The following GUCY1A2 variants were observed in gnomAD, a reference collection of about 807,000 sequenced individuals.
GUCY1A2 encodes guanylate cyclase soluble subunit alpha-2.
In GUCY1A2, 27 loss-of-function variants were observed where a neutral mutation model predicts 63.5. The ratio of observed to expected loss-of-function variants is 0.43; its 90% CI spans 0.31 to 0.59. GUCY1A2 has a LOEUF of 0.59. Ranked by LOEUF, GUCY1A2 falls within the 20% of genes least tolerant of loss-of-function variation. The pLI, the probability that GUCY1A2 is intolerant of heterozygous loss-of-function variation, is 0.11. For missense variants in GUCY1A2, 768 were observed against 913.3 expected, an observed-to-expected ratio of 0.84 and a Z score of 2.05; for synonymous variants, 364 against 343.5, an observed-to-expected ratio of 1.06 and a Z score of -0.66.
intron 4 of GUCY1A2, among the ~76,000 whole-genome samples, chr11:106,877,294 T>C (rs1332681570): frequency 6.6e-6 from 1 of 152,040 alleles, no homozygotes; most frequent in Non-Finnish European, 1.5e-5. Flanking sequence ...CCCCTCTTCC[T>C]ATTTGGATGC....
intron 1 of GUCY1A2, among the ~76,000 whole-genome samples, chr11:106,986,605 T>G (rs535271503): frequency 6.6e-6 from 1 of 152,218 alleles, no homozygotes; most frequent in Non-Finnish European, 1.5e-5. Context: ...CAAGCAGTGA[T>G]AAATTGAGTT....
chr11:106,971,623 A>C (rs1386754199), intron 3 of GUCY1A2, among the ~76,000 whole-genome samples: 1 of 152,148 alleles, frequency 6.6e-6, no homozygotes, highest in Non-Finnish European at 1.5e-5. Flanking sequence ...AATGGAGTAA[A>C]GTTGGAGACA....
At chr11:106,776,411 A>ACTCAAACT (rs139329770) in intron 6 of GUCY1A2, 28 bp downstream of exon 6, 313,189 of 1,561,094 alleles carry the variant, frequency 0.2, 33,617 homozygotes, top group South Asian at 0.27. Context: ...TGCACTTACT[A>ACTCAAACT]CTCAAACTAG....
intron 5 of GUCY1A2, among the ~76,000 whole-genome samples, chr11:106,777,379 G>A (rs1212510214): frequency 1.3e-5 from 2 of 151,122 alleles, no homozygotes; most frequent in Admixed American, 6.6e-5. Flanking sequence ...CCCAGTAGGC[G>A]GAGGTTGCAG....
intron 4 of GUCY1A2, among the ~76,000 whole-genome samples, chr11:106,883,237 T>G (rs1859850783): frequency 6.6e-6 from 1 of 152,152 alleles, no homozygotes; most frequent in Non-Finnish European, 1.5e-5. Flanking sequence ...ACCTGATGAT[T>G]TGACATTGAT....
In GUCY1A2 at chr11:106,953,300, G is replaced by T. The variant is rs549691515; in HGVS notation, c.488-13122C>A. On this transcript the variant is annotated intron_variant, in intron 3 of 7. Transcript: ENST00000526355. ...GATAATCATGTGCTTTTTGTCTTTG[G>T]TTCTGTTTATCTGACGGATTATGTT... Among the ~76,000 whole-genome samples the T allele has an allele frequency of 2.4e-4, 36 of 152,144 alleles. 2 individuals are homozygous for T. In the South Asian group the frequency reaches 7.5e-3, roughly 32 times the overall value.
chr11:106,935,295 T>C (rs1860660658), intron 4 of GUCY1A2, among the ~76,000 whole-genome samples: 1 of 152,084 alleles, frequency 6.6e-6, no homozygotes, highest in South Asian at 2.1e-4. Context: ...GGAACACAAC[T>C]AATAATAGCA....
chr11:106,990,601 G>C (rs531491292), intron 1 of GUCY1A2, among the ~76,000 whole-genome samples: 137 of 152,376 alleles, frequency 9.0e-4, no homozygotes, highest in African/African-American at 3.1e-3. Flanking sequence ...GTGTGTGTGT[G>C]CGCGCACGCG....
At chr11:106,785,222 TA>T (rs1864535793) in intron 5 of GUCY1A2, among the ~76,000 whole-genome samples, 1 of 152,276 alleles carries the variant, frequency 6.6e-6, no homozygotes, top group South Asian at 2.1e-4. Context: ...TGGATGCACA[TA>T]TTACTTTTAA....
At chr11:106,979,272 G>A (rs1167346816) in intron 2 of GUCY1A2, among the ~76,000 whole-genome samples, 2 of 151,958 alleles carry the variant, frequency 1.3e-5, no homozygotes, top group African/African-American at 4.8e-5. Context: ...TGGCTAACAC[G>A]GTGAAACCCC....
In GUCY1A2 at chr11:107,017,975, C is replaced by T. The variant is rs1349693717; in HGVS notation, c.81G>A (p.Gly27=). The change falls in exon 1 of 8, where the codon GGG becomes GGA. Residue 27 remains glycine, a synonymous_variant. Coordinates refer to ENST00000526355, the MANE Select transcript of GUCY1A2 (RefSeq NM_000855.3). The part of the protein sequence containing the change: ...DYLETSPEEE[G]ECPLSRLCWN... ...AGCAGAGCCTAGACAGGGGGCACTC[C>T]CCCTCCTCCTCCGGGCTGGTCTCCA... is the stretch of plus-strand genomic sequence containing the variant. 2 of 1,450,084 alleles carry T rather than the reference C, an allele frequency of 1.4e-6. No homozygotes were observed. Among genetic ancestry groups the T allele is most frequent in the Admixed American group, 4.2e-5 (2 of 47,388 alleles). 89.8% of individuals were successfully genotyped at this position (1,450,084 alleles called of 1,614,324 possible). A position where few individuals can be genotyped will look rare whatever the true frequency, so the allele number is the denominator to read the frequency against.
intron 3 of GUCY1A2, among the ~76,000 whole-genome samples, chr11:106,945,863 G>T (rs1401592256): frequency 6.6e-6 from 1 of 152,188 alleles, no homozygotes; most frequent in East Asian, 1.9e-4. Context: ...ACTTGGGAAA[G>T]CTGAGGCAGG....
At chr11:106,922,105 T>C (rs1860452018) in intron 4 of GUCY1A2, among the ~76,000 whole-genome samples, 1 of 152,124 alleles carries the variant, frequency 6.6e-6, no homozygotes, top group Admixed American at 6.6e-5. Flanking sequence ...CTCATGAAAT[T>C]GATTCTAAGT....
intron 4 of GUCY1A2, among the ~76,000 whole-genome samples, chr11:106,938,375 TCA>T (rs1345758896): frequency 4.6e-5 from 7 of 152,202 alleles, no homozygotes; most frequent in Non-Finnish European, 2.9e-5. Flanking sequence ...GGCTATTTCC[TCA>T]TTTATTTATT....
At position 106,986,073 on chromosome 11, in the gene GUCY1A2, A is replaced by G. The variant is rs752228585; in HGVS notation, c.362T>C (p.Ile121Thr). The G allele has an allele frequency of 3.5e-6, 5 of 1,432,416 alleles. No individual in the cohort carries two copies. Among genetic ancestry groups the G allele is most frequent in the African/African-American group, 1.4e-5 (1 of 71,412 alleles). The allele number at this position is 1,432,416 out of a possible 1,614,324, so 88.7% of individuals were successfully genotyped here. A position where few individuals can be genotyped will look rare whatever the true frequency, so the allele number is the denominator to read the frequency against. ...ACCGAAATCAATTTTTACTTACCCA[A>G]TAACTTGATGTTCATAATACTGCAG... ...RTLQYYEHQVIGYRDAEKNFH... is the reference protein window; with the variant it reads ...RTLQYYEHQVTGYRDAEKNFH... Residue 121 changes from isoleucine to threonine, a missense_variant, in exon 2 of 8, where the codon ATT becomes ACT. Physicochemically the swap from Ile to Thr is moderately conservative, Grantham distance 89. This residue lies in a region of GUCY1A2 where 496 missense variants were observed against 486.9 expected (regional missense o/e 1.02). Transcript: ENST00000526355.
At chr11:106,905,406 T>C (rs544064513) in intron 4 of GUCY1A2, among the ~76,000 whole-genome samples, 5 of 152,260 alleles carry the variant, frequency 3.3e-5, no homozygotes, top group African/African-American at 9.6e-5. Context: ...GGTAGCATTG[T>C]CAGGTTCTAG....
At position 106,976,235 on chromosome 11, in the gene GUCY1A2, A is replaced by T. The variant is rs541405391; in HGVS notation, c.487+2384T>A. Among the ~76,000 whole-genome samples the T allele has an allele frequency of 3.9e-5, 6 of 152,226 alleles. No homozygotes were observed. In the South Asian group the frequency reaches 1.2e-3, roughly 32 times the overall value. On this transcript the variant is annotated intron_variant, in intron 3 of 7. Coordinates refer to ENST00000526355, the MANE Select transcript of GUCY1A2 (RefSeq NM_000855.3). ...TAAATATAAACCATGGAGTTGGAAC[A>T]CTGCCTTCTGCCATCCAAAAAAAAA... is the stretch of plus-strand genomic sequence containing the variant.
intron 1 of GUCY1A2, among the ~76,000 whole-genome samples, chr11:107,017,305 A>T (rs1175337656): frequency 6.6e-6 from 1 of 152,184 alleles, no homozygotes; most frequent in Non-Finnish European, 1.5e-5. Context: ...GTGGGAAATA[A>T]GGAGAGGAAG....
chr11:106,708,697 T>C (rs759029310), intron 6 of GUCY1A2, 31 bp from the exon 7 acceptor site: 1 of 1,481,894 alleles, frequency 6.7e-7, no homozygotes, highest in Non-Finnish European at 9.2e-7. Context: ...AAAAGGAACA[T>C]ATTTGTTTCC....
Sources: allele counts gnomAD v4.1 joint callset (sites outside exome capture counted in the v4.1 genomes callset), GRCh38; gene constraint gnomAD v4.1.1; regional missense constraint gnomAD v4.1.1; transcripts MANE v1.5; gene names NCBI Gene and HGNC (gene_info 2026-07-23, HGNC 2026-07-21).